Variants in MASP2 observed in about 807,000 individuals in gnomAD.
The protein encoded by MASP2 is MBL associated serine protease 2.
MASP2 carries 49 observed loss-of-function variants against 57.1 expected under a neutral mutation model. That is an observed-to-expected ratio of 0.86 (90% CI 0.68 to 1.09). The LOEUF (loss-of-function observed/expected upper bound fraction) is 1.09, where lower values mean the gene tolerates loss of function less well. Among genes scored for constraint, MASP2 ranks in the 50% least tolerant of loss-of-function variants. MASP2 has a pLI of 0.00. For synonymous variants in MASP2, 379 were observed against 340.8 expected (o/e 1.11, Z -1.24); for missense variants, 900 against 874.8 (o/e 1.03, Z -0.36).
At chr1:11,046,855 C>A in intron 2 of MASP2, 36 bp downstream of exon 2, 1 of 1,551,656 alleles carries the variant, frequency 6.4e-7, no homozygotes. Flanking sequence ...GACCCCCCGA[C>A]CCTGAGAAAC....
At chr1:11,043,680 C>A (rs1335044680) in intron 4 of MASP2, 145 bp from the exon 5 acceptor site, 2 of 623,934 alleles carry the variant, frequency 3.2e-6, no homozygotes, top group Non-Finnish European at 5.5e-6. Flanking sequence ...CTGGGCCCTG[C>A]AGGTGGCCAG....
In MASP2 at chr1:11,046,742, T is replaced by G; in HGVS notation, c.235-9A>C. ...TTGGCCCCCGAGCTCAGCTGTGGGG[T>G]CAGGTGTCACAGGGAGTGAAGGCAA... On this transcript the variant is annotated splice_polypyrimidine_tract_variant and intron_variant, in intron 2 of 10. Transcript: ENST00000400897. 1 of 1,609,734 alleles carries G rather than the reference T, an allele frequency of 6.2e-7. No homozygotes were observed. The highest frequency in any genetic ancestry group is 8.5e-7 in the Non-Finnish European group (1 of 1,178,376).
At chr1:11,027,688 A>G (rs2100868412) in intron 10 of MASP2, 40 bp from the exon 11 acceptor site, 1 of 1,535,010 alleles carries the variant, frequency 6.5e-7, no homozygotes, top group African/African-American at 1.4e-5. Context: ...CTTTGTAAAA[A>G]TGTCAATCGT....
intron 6 of MASP2, 24 bp from the exon 7 acceptor site, chr1:11,037,835 T>C (rs567196687): frequency 6.2e-6 from 9 of 1,451,224 alleles, no homozygotes; most frequent in South Asian, 4.8e-5. Flanking sequence ...ACCAGGCTTG[T>C]TGGTTTTCAT....
chr1:11,032,298 TGGA>T (rs1289025512), intron 8 of MASP2, among the ~76,000 whole-genome samples: 9 of 152,232 alleles, frequency 5.9e-5, no homozygotes, highest in Admixed American at 2.6e-4. Context: ...TGTGTGTAAT[TGGA>T]GGGACACACA....
At chr1:11,027,925 A>G (rs1002859841) in intron 10 of MASP2, among the ~76,000 whole-genome samples, 8 of 152,196 alleles carry the variant, frequency 5.3e-5, no homozygotes, top group South Asian at 2.1e-4. Context: ...AATTTGGTCT[A>G]TAAGATTGGG....
chr1:11,040,486 G>A (rs979048581), intron 6 of MASP2, among the ~76,000 whole-genome samples: 7 of 144,394 alleles, frequency 4.8e-5, no homozygotes, highest in African/African-American at 1.6e-4. Flanking sequence ...AAAAAAAAAC[G>A]GATGGATGGA....
rs532646305 is a variant in MASP2, at chr1:11,027,046, C to T, written c.1900G>A (p.Gly634Arg). ...GGKDSCRGDS[G>R]GALVFLDSET... ...CTATCTAGAAACACCAGTGCCCCTCCGCTGTCACCTCTGCAGCTGTCCTTG... is the reference window on the plus strand; with the variant it reads ...CTATCTAGAAACACCAGTGCCCCTCTGCTGTCACCTCTGCAGCTGTCCTTG... Residue 634 changes from glycine to arginine, a missense_variant, in exon 11 of 11, where the codon GGA (glycine) becomes AGA (arginine). Transcript: ENST00000400897. 50 of 1,593,028 alleles carry T rather than the reference C, an allele frequency of 3.1e-5. No individual in the cohort carries two copies. Among genetic ancestry groups the T allele is most frequent in the South Asian group, 1.3e-4 (11 of 87,112 alleles).
chr1:11,030,843 C>T lies in MASP2; in HGVS notation c.1127G>A (p.Arg376Gln), dbSNP rs1051250399. The T allele has an allele frequency of 3.8e-5, 61 of 1,613,754 alleles. No homozygotes were observed. The highest frequency in any genetic ancestry group is 1.6e-4 in the Middle Eastern group (1 of 6,072). ...CGPPDDLPSG[R>Q]VEYITGPGVT... ...TCCAGGACCTGTGATGTACTCCACT[C>T]GGCCACTGGGTAGATCATCAGGAGG... is the stretch of plus-strand genomic sequence containing the variant. The change falls in exon 9 of 11, where the codon CGA (arginine) becomes CAA (glutamine). Residue 376 changes from arginine to glutamine, a missense_variant. Physicochemically the swap from Arg to Gln is conservative, Grantham distance 43 (BLOSUM62 1). Coordinates refer to ENST00000400897, the MANE Select transcript of MASP2 (RefSeq NM_006610.4).
intron 10 of MASP2, among the ~76,000 whole-genome samples, chr1:11,028,154 G>A (rs563404573): frequency 4.6e-5 from 7 of 152,124 alleles, no homozygotes; most frequent in Admixed American, 3.9e-4. Context: ...CCTGGGAGGC[G>A]GAGGTTGCAG....
chr1:11,045,431 TGCAGGACGTAGCCTGCGCG>T lies in MASP2; in HGVS notation c.502_520del (p.Arg168ThrfsTer101), dbSNP rs1557677469. 2.5e-6 allele frequency: 4 copies of T among 1,613,302 alleles called. No homozygotes were observed. The highest frequency in any genetic ancestry group is 3.4e-6 in the Non-Finnish European group (4 of 1,179,974). On this transcript the variant is annotated frameshift_variant, in exon 4 of 11. Transcript: ENST00000400897. LOFTEE classifies it high-confidence loss of function. ...ACCTGAGCAGGTGCGCTTGTTACGG[TGCAGGACGTAGCCTGCGCG>T]GCAGGAGCAGTAGAAACCGCCCAGG...
At chr1:11,031,528 TAAAAAAA>T (rs565771459) in intron 8 of MASP2, among the ~76,000 whole-genome samples, 1 of 67,504 alleles carries the variant, frequency 1.5e-5, no homozygotes, top group Non-Finnish European at 2.5e-5. Flanking sequence ...GACTCTGTCT[TAAAAAAA>T]AAAAAAAAAA....
chr1:11,030,181 T>C lies in MASP2; in HGVS notation c.1292A>G (p.Glu431Gly), dbSNP rs1201064554. The C allele has an allele frequency of 1.2e-6, 2 of 1,611,406 alleles. No homozygotes were observed. The highest frequency in any genetic ancestry group is 1.7e-6 in the Non-Finnish European group (2 of 1,177,980). Residue 431 changes from glutamate to glycine, a missense_variant, in exon 10 of 11, where the codon GAG becomes GGG. Coordinates refer to ENST00000400897, the MANE Select transcript of MASP2 (RefSeq NM_006610.4). ...TGTATAAATGTATCCATTACCAGGC[T>C]CACAGACTGGGAGTGATTTTTCTCC... Reference protein sequence around the residue: ...SKGEKSLPVCEPVCGLSARTT... With the variant: ...SKGEKSLPVCGPVCGLSARTT...
In MASP2 at chr1:11,042,876, T is replaced by C; in HGVS notation, c.888A>G (p.Thr296=). 1.2e-6 allele frequency: 2 copies of C among 1,613,838 alleles called. No homozygotes were observed. The highest frequency in any genetic ancestry group is 8.5e-7 in the Non-Finnish European group (1 of 1,179,822). ...AAGATCTGAGACCCACTTGCTCACC[T>C]GTGCTCGTGTAGTGGATCTTCCAGC... is the stretch of plus-strand genomic sequence containing the variant. ...HTGWKIHYTS[T]AQPCPYPMAP... Residue 296 remains threonine, a splice_region_variant and synonymous_variant, in exon 6 of 11, where the codon ACA becomes ACG. Coordinates refer to ENST00000400897, the MANE Select transcript of MASP2 (RefSeq NM_006610.4).
At chr1:11,036,830 CTATT>C (rs1638256651) in intron 7 of MASP2, among the ~76,000 whole-genome samples, 1 of 152,032 alleles carries the variant, frequency 6.6e-6, no homozygotes, top group Non-Finnish European at 1.5e-5. Context: ...ACAGTGACCA[CTATT>C]TATAACTTTG....
chr1:11,027,163 G>C lies in MASP2; in HGVS notation c.1783C>G (p.His595Asp). The change falls in exon 11 of 11, where the codon CAT becomes GAT. Residue 595 changes from histidine to aspartate, a missense_variant. Coordinates refer to ENST00000400897, the MANE Select transcript of MASP2 (RefSeq NM_006610.4). ...LMYVDIPIVD[H>D]QKCTAAYEKP... Reference sequence around the variant, plus strand: ...TCATATGCAGCAGTACATTTTTGATGGTCAACAATCGGTATGTCGACATAC... The same window carrying C: ...TCATATGCAGCAGTACATTTTTGATCGTCAACAATCGGTATGTCGACATAC... 6.2e-7 allele frequency: 1 copy of C among 1,613,906 alleles called. No individual in the cohort carries two copies. The highest frequency in any genetic ancestry group is 8.5e-7 in the Non-Finnish European group (1 of 1,179,992).
intron 7 of MASP2, among the ~76,000 whole-genome samples, chr1:11,035,113 C>G (rs907572099): frequency 2.5e-4 from 38 of 152,116 alleles, no homozygotes; most frequent in Non-Finnish European, 5.9e-5. Context: ...CGGTGCACGT[C>G]TATGCCACCT....
chr1:11,046,858 T>G (rs1465591998), intron 2 of MASP2, 33 bp downstream of exon 2: 3 of 1,552,408 alleles, frequency 1.9e-6, no homozygotes, highest in African/African-American at 2.7e-5. Context: ...CCCCCGACCC[T>G]GAGAAACCCC....
Position 11,042,459 on chromosome 1 carries a change from G to GA in MASP2, c.889+415_889+416insT, listed in dbSNP as rs1281757947. On this transcript the variant is annotated intron_variant, in intron 6 of 10. Coordinates refer to ENST00000400897, the MANE Select transcript of MASP2 (RefSeq NM_006610.4). The stretch of plus-strand genomic sequence containing the variant: ...GGATGGATGAACGGACGAAGGATGG[G>GA]TGGTAGAAGGATGGCTGAATAGAAG... Among the ~76,000 whole-genome samples the GA allele has an allele frequency of 1.8e-3, 3 of 1,664 alleles. No individual in the cohort carries two copies. The East Asian group carries it at 0.14, about 76-fold the overall frequency. 1.1% of individuals were successfully genotyped at this position (1,664 alleles called of 152,430 possible). A position where few individuals can be genotyped will look rare whatever the true frequency, so the allele number is the denominator to read the frequency against.
Sources: gnomAD v4.1 joint callset for allele counts (sites outside exome capture counted in the v4.1 genomes callset) on GRCh38, gnomAD v4.1.1 for gene constraint, MANE v1.5 for transcripts, NCBI Gene and HGNC (gene_info 2026-07-23, HGNC 2026-07-21) for gene names.